ANKH: variants seen among roughly 807,000 people sequenced by gnomAD.
ANKH encodes the protein mineralization regulator ANKH.
Under a neutral mutation model 49.0 loss-of-function variants are expected in ANKH, and 15 were observed. That is an observed-to-expected ratio of 0.31 (90% CI 0.20 to 0.47). The LOEUF (loss-of-function observed/expected upper bound fraction) is 0.47, where lower values mean the gene tolerates loss of function less well. ANKH is among the 20% of genes least tolerant of loss of function. The pLI, the probability that ANKH is intolerant of heterozygous loss-of-function variation, is 1.00. For missense variants in ANKH, 429 were observed against 652.0 expected, an observed-to-expected ratio of 0.66 and a Z score of 3.72; for synonymous variants, 273 against 260.0, an observed-to-expected ratio of 1.05 and a Z score of -0.48.
intron 1 of ANKH, among the ~76,000 whole-genome samples, chr5:14,795,423 CTT>C (rs1219000002): frequency 6.6e-6 from 1 of 152,164 alleles, no homozygotes; most frequent in Non-Finnish European, 1.5e-5. Context: ...TTAAACTCAT[CTT>C]AAGTTAAAAT....
At position 14,720,861 on chromosome 5, in the gene ANKH, A is replaced by G. The variant is rs543888292; in HGVS notation, c.1012-4026T>C. On this transcript the variant is annotated intron_variant, in intron 8 of 11. Coordinates refer to ENST00000284268, the MANE Select transcript of ANKH (RefSeq NM_054027.6). Reference sequence around the variant, plus strand: ...CAAAATCATTGTAAAGTGGCTCTTCAGTTACAAGAACCAAGGAAAAAGGAG... The same window carrying G: ...CAAAATCATTGTAAAGTGGCTCTTCGGTTACAAGAACCAAGGAAAAAGGAG... 1.1e-4 allele frequency among the ~76,000 whole-genome samples: 16 copies of G among 152,354 alleles called. 1 individual carries two copies. Among genetic ancestry groups the G allele is most frequent in the African/African-American group, 3.1e-4 (13 of 41,578 alleles).
intron 8 of ANKH, among the ~76,000 whole-genome samples, chr5:14,735,866 A>G (rs1252311543): frequency 2.0e-5 from 3 of 152,164 alleles, no homozygotes; most frequent in Non-Finnish European, 4.4e-5. Context: ...GGACTTTAAC[A>G]TAAGAAGGTT....
chr5:14,816,585 T>G (rs572363205), intron 1 of ANKH, among the ~76,000 whole-genome samples: 2 of 152,282 alleles, frequency 1.3e-5, no homozygotes, highest in South Asian at 4.2e-4. Flanking sequence ...GAGATGACTC[T>G]TGTTTCTGGC....
At chr5:14,748,091 C>CT (rs199856109) in intron 6 of ANKH, among the ~76,000 whole-genome samples, 12 of 151,368 alleles carry the variant, frequency 7.9e-5, no homozygotes, top group South Asian at 2.1e-4. Flanking sequence ...TGTCCTTTTT[C>CT]TTTTTTTTTA....
At chr5:14,773,353 CTTTTTT>C (rs71603741) in intron 1 of ANKH, among the ~76,000 whole-genome samples, 2,187 of 77,024 alleles carry the variant, frequency 0.028, 42 homozygotes, top group African/African-American at 0.11. Context: ...GCAAAGCATT[CTTTTTT>C]TTTTTTTTTT....
intron 1 of ANKH, among the ~76,000 whole-genome samples, chr5:14,850,569 G>A (rs1420518059): frequency 3.9e-5 from 6 of 152,226 alleles, no homozygotes; most frequent in Admixed American, 2.6e-4. Context: ...GCCCCCCTCC[G>A]GGGTTCACGG....
In ANKH at chr5:14,867,576, G is replaced by A. The variant is rs769163939; in HGVS notation, c.96+3776C>T. The stretch of plus-strand genomic sequence containing the variant: ...CCCATTTTCTTTTTTTTTTTGAGAC[G>A]GAGTCTCGCTCTGTCGCCCAGGCCG... On this transcript the variant is annotated intron_variant, in intron 1 of 11. Transcript: ENST00000284268. 1.1e-4 allele frequency among the ~76,000 whole-genome samples: 17 copies of A among 150,034 alleles called. 1 individual carries two copies. The highest frequency in any genetic ancestry group is 4.6e-4 in the Admixed American group (7 of 15,098).
intron 1 of ANKH, among the ~76,000 whole-genome samples, chr5:14,853,819 A>G (rs1471876877): frequency 1.3e-5 from 2 of 152,116 alleles, no homozygotes; most frequent in East Asian, 3.9e-4. Context: ...GCAAACATAA[A>G]CCCATACAAG....
At chr5:14,860,842 G>T (rs1179031194) in intron 1 of ANKH, among the ~76,000 whole-genome samples, 1 of 152,120 alleles carries the variant, frequency 6.6e-6, no homozygotes, top group Non-Finnish European at 1.5e-5. Flanking sequence ...GAGTGCACTG[G>T]CATGATCTCG....
intron 1 of ANKH, among the ~76,000 whole-genome samples, chr5:14,818,819 C>T (rs775682759): frequency 3.3e-5 from 5 of 152,062 alleles, no homozygotes; most frequent in Non-Finnish European, 2.9e-5. Context: ...GAAACCTCAT[C>T]GTTCTGGTCG....
chr5:14,748,655 G>A (rs890961932), intron 6 of ANKH, among the ~76,000 whole-genome samples: 2 of 152,248 alleles, frequency 1.3e-5, no homozygotes, highest in Admixed American at 6.5e-5. Context: ...GGGTGTGGTG[G>A]TGACGGGTCA....
At chr5:14,775,125 C>G (rs1739573939) in intron 1 of ANKH, among the ~76,000 whole-genome samples, 1 of 151,990 alleles carries the variant, frequency 6.6e-6, no homozygotes, top group African/African-American at 2.4e-5. Flanking sequence ...GGCAAAATCA[C>G]AGCTCACCCT....
At chr5:14,814,981 G>C (rs1281807671) in intron 1 of ANKH, among the ~76,000 whole-genome samples, 1 of 152,216 alleles carries the variant, frequency 6.6e-6, no homozygotes, top group Non-Finnish European at 1.5e-5. Flanking sequence ...ATGTTTAACA[G>C]AGCGTTTGCC....
At chr5:14,807,780 C>T (rs996661263) in intron 1 of ANKH, among the ~76,000 whole-genome samples, 7 of 152,158 alleles carry the variant, frequency 4.6e-5, no homozygotes, top group Non-Finnish European at 5.9e-5. Context: ...TCACAGAGTT[C>T]TAGAACTAGA....
Position 14,712,853 on chromosome 5 carries a change from CTCCCGGCGCGGCT to C in ANKH, c.1365+8_1365+20del, listed in dbSNP as rs1273994348. The C allele has an allele frequency of 6.3e-7, 1 of 1,582,804 alleles. No homozygotes were observed. The highest frequency in any genetic ancestry group is 8.6e-7 in the Non-Finnish European group (1 of 1,164,314). Reference sequence around the variant, plus strand: ...CCAGGAGGATGCACCCGGGAGGAGGCTCCCGGCGCGGCTGTCTCACCTGCTTCCGGTAGACATA... The same window carrying C: ...CCAGGAGGATGCACCCGGGAGGAGGCGTCTCACCTGCTTCCGGTAGACATA... On this transcript the variant is annotated splice_region_variant and intron_variant, in intron 11 of 11. Coordinates refer to ENST00000284268, the MANE Select transcript of ANKH (RefSeq NM_054027.6).
At chr5:14,859,552 G>C (rs923959) in intron 1 of ANKH, among the ~76,000 whole-genome samples, 1 of 152,094 alleles carries the variant, frequency 6.6e-6, no homozygotes, top group Non-Finnish European at 1.5e-5. Context: ...CTCAATATTA[G>C]GCTATATTTT....
chr5:14,713,084 G>T lies in ANKH; in HGVS notation c.1266-111C>A. On this transcript the variant is annotated intron_variant, in intron 10 of 11. Coordinates refer to ENST00000284268, the MANE Select transcript of ANKH (RefSeq NM_054027.6). This position sits in a 1 kb window ranked among gnomAD's most constrained non-coding sequence, Gnocchi z 4.4. ...TAGCCTCGAGACGGCTGAGACCAGC[G>T]GCGTTCTCCATCTGCTGGCTTCGTA... The T allele has an allele frequency of 2.8e-6, 3 of 1,068,922 alleles. No individual in the cohort carries two copies. The highest frequency in any genetic ancestry group is 2.7e-5 in the South Asian group (2 of 74,028). 66.2% of individuals were successfully genotyped at this position (1,068,922 alleles called of 1,614,324 possible).
chr5:14,795,943 T>A (rs1311121825), intron 1 of ANKH, among the ~76,000 whole-genome samples: 4 of 152,344 alleles, frequency 2.6e-5, no homozygotes, highest in Middle Eastern at 3.4e-3. Flanking sequence ...GCTGGTTAAT[T>A]ATTCCTTTTG....
In ANKH at chr5:14,705,934, A is replaced by T. The variant is rs541210879; in HGVS notation, c.*5263T>A. ...TGTAATGTTCCCCTAATGTTCCCCA[A>T]CTCCAGAGGCGCCATTTCTTGCCCT... is the stretch of plus-strand genomic sequence containing the variant. On this transcript the variant is annotated 3_prime_UTR_variant, in exon 12 of 12. Coordinates refer to ENST00000284268, the MANE Select transcript of ANKH (RefSeq NM_054027.6). 6.6e-6 allele frequency: 1 copy of T among 152,028 alleles called. No individual in the cohort carries two copies. The highest frequency in any genetic ancestry group is 2.4e-5 in the African/African-American group (1 of 41,442). 9.4% of individuals were successfully genotyped at this position (152,028 alleles called of 1,614,324 possible).
Sources: gnomAD v4.1 joint callset for allele counts (sites outside exome capture counted in the v4.1 genomes callset) on GRCh38, gnomAD v4.1.1 for gene constraint, Gnocchi (gnomAD v3.1) non-coding constraint, MANE v1.5 for transcripts, NCBI Gene and HGNC (gene_info 2026-07-23, HGNC 2026-07-21) for gene names.